NXPE2: variants seen among roughly 807,000 people sequenced by gnomAD.
NXPE2 encodes neurexophilin and PC-esterase domain family member 2, also known as NXPE family member 2.
NXPE2 carries 34 observed loss-of-function variants against 34.4 expected under a neutral mutation model. The observed-to-expected ratio is 0.99, with a 90% CI of 0.75 to 1.31. The LOEUF (loss-of-function observed/expected upper bound fraction) is 1.31, where lower values mean the gene tolerates loss of function less well. Among genes scored for constraint, NXPE2 ranks in the 40% most tolerant of loss-of-function variants. The pLI, the probability that NXPE2 is intolerant of heterozygous loss-of-function variation, is 0.00. For synonymous variants in NXPE2, 235 were observed against 231.3 expected (o/e 1.02, Z -0.15); for missense variants, 649 against 672.5 (o/e 0.97, Z 0.39).
chr11:114,775,447 G>A, the NXPE2 span, among the ~76,000 whole-genome samples: 1 of 152,212 alleles, frequency 6.6e-6, no homozygotes, highest in East Asian at 1.9e-4. Context: ...AGCCTGTTGA[G>A]TGGTAGGAGG....
the NXPE2 span, among the ~76,000 whole-genome samples, chr11:114,602,815 A>G: frequency 6.8e-6 from 1 of 146,102 alleles, no homozygotes; most frequent in Non-Finnish European, 1.5e-5. Context: ...TTACAGAATC[A>G]TATATAATAA....
At chr11:114,526,033 G>A in the NXPE2 span, among the ~76,000 whole-genome samples, 1 of 152,214 alleles carries the variant, frequency 6.6e-6, no homozygotes, top group Non-Finnish European at 1.5e-5. Flanking sequence ...TAATGTCATT[G>A]GTCCTCAAAA....
At chr11:114,701,460 C>G (rs1951363468) in intron 3 of NXPE2, among the ~76,000 whole-genome samples, 2 of 152,178 alleles carry the variant, frequency 1.3e-5, no homozygotes, top group South Asian at 4.1e-4. Context: ...TGACAGTAAT[C>G]ATGATAGTAA....
chr11:114,759,646 A>G, the NXPE2 span, among the ~76,000 whole-genome samples: 1 of 152,218 alleles, frequency 6.6e-6, no homozygotes, highest in Non-Finnish European at 1.5e-5. Context: ...AAATTAGAAT[A>G]CCGAATAAGT....
At chr11:114,565,439 G>A in the NXPE2 span, among the ~76,000 whole-genome samples, 3 of 152,198 alleles carry the variant, frequency 2.0e-5, no homozygotes, top group African/African-American at 7.2e-5. Context: ...CGTAGTTCCT[G>A]ATGCTGCGAA....
the NXPE2 span, among the ~76,000 whole-genome samples, chr11:114,538,610 G>A: frequency 1.6e-4 from 24 of 152,186 alleles, no homozygotes; most frequent in African/African-American, 5.8e-4. Context: ...CCATTAAAAA[G>A]TGGGCGAAGG....
chr11:114,562,454 CT>C, the NXPE2 span, among the ~76,000 whole-genome samples: 2 of 152,314 alleles, frequency 1.3e-5, no homozygotes, highest in African/African-American at 4.8e-5. Flanking sequence ...CTGTGTCCAC[CT>C]TTACTGATTT....
chr11:114,618,616 T>G, the NXPE2 span, among the ~76,000 whole-genome samples: 1 of 150,378 alleles, frequency 6.6e-6, no homozygotes, highest in South Asian at 2.1e-4. Flanking sequence ...TAATAAGTAT[T>G]GCCTTGTGAG....
At chr11:114,698,888 A>AT in intron 3 of NXPE2, 110 bp downstream of exon 3, 1 of 1,077,810 alleles carries the variant, frequency 9.3e-7, no homozygotes, top group Non-Finnish European at 1.3e-6. Flanking sequence ...TGTTGACTAA[A>AT]TTATAATTAG....
chr11:114,602,339 C>A, the NXPE2 span, among the ~76,000 whole-genome samples: 1 of 121,976 alleles, frequency 8.2e-6, no homozygotes, highest in African/African-American at 3.2e-5. Context: ...TATATGTTAT[C>A]TATAACATAT....
At chr11:114,510,681 T>C in the NXPE2 span, among the ~76,000 whole-genome samples, 1 of 152,164 alleles carries the variant, frequency 6.6e-6, no homozygotes, top group African/African-American at 2.4e-5. Context: ...GAATAAAGGA[T>C]TCTGGGAAAG....
chr11:114,472,746 C>G, the NXPE2 span, among the ~76,000 whole-genome samples: 1 of 152,040 alleles, frequency 6.6e-6, no homozygotes, highest in Admixed American at 6.6e-5. Flanking sequence ...AGCACTAATC[C>G]CCATCATGAA....
the NXPE2 span, among the ~76,000 whole-genome samples, chr11:114,632,975 A>C: frequency 2.9e-4 from 30 of 103,646 alleles, no homozygotes; most frequent in African/African-American, 1.2e-3. Context: ...TATATTATAT[A>C]TTATATATTT....
the NXPE2 span, among the ~76,000 whole-genome samples, chr11:114,768,993 A>G: frequency 6.6e-6 from 1 of 152,342 alleles, no homozygotes; most frequent in Admixed American, 6.5e-5. Flanking sequence ...TCTGCATAGC[A>G]AAAGAAACTA....
chr11:114,765,498 T>A, the NXPE2 span, among the ~76,000 whole-genome samples: 6 of 152,230 alleles, frequency 3.9e-5, no homozygotes, highest in African/African-American at 9.6e-5. Flanking sequence ...TAAACATAAC[T>A]TTTGTATATA....
the NXPE2 span, among the ~76,000 whole-genome samples, chr11:114,722,714 C>T: frequency 6.6e-6 from 1 of 152,156 alleles, no homozygotes; most frequent in South Asian, 2.1e-4. Context: ...ATGAGCACTG[C>T]TATCCTGTAC....
the NXPE2 span, chr11:114,570,668 G>C: frequency 3.9e-6 from 1 of 259,196 alleles, no homozygotes; most frequent in Non-Finnish European, 7.2e-6. Context: ...TTTACCCATA[G>C]GTGTCTTGAC....
the NXPE2 span, among the ~76,000 whole-genome samples, chr11:114,619,642 A>G: frequency 6.6e-6 from 1 of 151,278 alleles, no homozygotes; most frequent in Non-Finnish European, 1.5e-5. Context: ...AACCACTGTT[A>G]CCCTGTGGAT....
upstream of NXPE2, among the ~76,000 whole-genome samples, chr11:114,675,768 C>T (rs1157981494): frequency 6.6e-6 from 1 of 151,858 alleles, no homozygotes; most frequent in Admixed American, 6.6e-5. Context: ...TTACATGGAA[C>T]CACAAAAGAC....
Sources: allele counts gnomAD v4.1 joint callset (sites outside exome capture counted in the v4.1 genomes callset), GRCh38; gene constraint gnomAD v4.1.1; transcripts MANE v1.5; gene names NCBI Gene and HGNC (gene_info 2026-07-23, HGNC 2026-07-21).